The following NFIB variants were observed in gnomAD, a reference collection of about 807,000 sequenced individuals.
NFIB encodes nuclear factor I B, also known as nuclear factor 1 B-type.
NFIB carries 11 observed loss-of-function variants against 61.5 expected under a neutral mutation model. The observed-to-expected ratio is 0.18, with a 90% CI of 0.11 to 0.30. The LOEUF is 0.30. NFIB is among the 10% of genes least tolerant of loss of function. The pLI, the probability that NFIB is intolerant of heterozygous loss-of-function variation, is 1.00. For missense variants in NFIB, 471 were observed against 608.9 expected (o/e 0.77, Z 2.38); for synonymous variants, 260 against 216.5 (o/e 1.20, Z -1.76).
chr9:14,225,692 C>CAT (rs1396364794), intron 2 of NFIB, among the ~76,000 whole-genome samples: 4 of 151,908 alleles, frequency 2.6e-5, no homozygotes, highest in Non-Finnish European at 4.4e-5. Context: ...CCAGCATAGG[C>CAT]ATGGGGCTTA....
intron 2 of NFIB, among the ~76,000 whole-genome samples, chr9:14,292,440 T>C (rs868510942): frequency 6.6e-6 from 1 of 152,184 alleles, no homozygotes; most frequent in Non-Finnish European, 1.5e-5. Context: ...CTTTAATAAA[T>C]AAAATGTATT....
chr9:14,440,984 C>T, the NFIB span, among the ~76,000 whole-genome samples: 1 of 152,140 alleles, frequency 6.6e-6, no homozygotes, highest in African/African-American at 2.4e-5. Flanking sequence ...TTATGACAGC[C>T]ATTCCTGATA....
intron 1 of NFIB, among the ~76,000 whole-genome samples, chr9:14,394,427 G>A (rs1447647304): frequency 6.6e-6 from 1 of 152,198 alleles, no homozygotes; most frequent in Non-Finnish European, 1.5e-5. Context: ...GGCTGGGGAT[G>A]CCTCATAATA....
Position 14,261,115 on chromosome 9 carries a change from G to C in NFIB, c.562+45874C>G, listed in dbSNP as rs189231969. On this transcript the variant is annotated intron_variant, in intron 2 of 10. Transcript: ENST00000380953. ...GCAGATCACCTGATGTCAGGAATTT[G>C]AGACCAGCCTGGCCACCACAGTGAA... Among the ~76,000 whole-genome samples, 7 of 152,292 alleles carry C rather than the reference G, an allele frequency of 4.6e-5. No individual in the cohort carries two copies. The East Asian group carries it at 7.7e-4, about 17-fold the overall frequency.
intron 1 of NFIB, among the ~76,000 whole-genome samples, chr9:14,382,167 A>G (rs761590452): frequency 1.3e-5 from 2 of 152,186 alleles, no homozygotes; most frequent in Non-Finnish European, 2.9e-5. Flanking sequence ...TGAATTGTTG[A>G]GTTAGCTTCC....
intron 1 of NFIB, among the ~76,000 whole-genome samples, chr9:14,387,241 A>T (rs1013944): frequency 0.77 from 117,388 of 152,168 alleles, 45,415 homozygotes; most frequent in African/African-American, 0.8. Flanking sequence ...AAGACCTGTG[A>T]AATCTTGGGT....
At chr9:14,220,433 C>A (rs2051496056) in intron 2 of NFIB, among the ~76,000 whole-genome samples, 1 of 152,168 alleles carries the variant, frequency 6.6e-6, no homozygotes, top group African/African-American at 2.4e-5. Context: ...ACATGGCATT[C>A]TCCAAATATT....
Position 14,087,659 on chromosome 9 carries a change from T to C in NFIB, c.*650A>G, listed in dbSNP as rs1226197889. 4.6e-6 allele frequency: 1 copy of C among 217,008 alleles called. No homozygotes were observed. The highest frequency in any genetic ancestry group is 9.3e-6 in the Non-Finnish European group (1 of 107,598). The allele number at this position is 217,008 out of a possible 1,614,324, so 13.4% of individuals were successfully genotyped here. On this transcript the variant is annotated 3_prime_UTR_variant, in exon 11 of 11. Transcript: ENST00000380953. ...AAAGGCTGGGTTAAGGGCCGAAATTTAATAAATCTGTACTGATAACTAAAG... is the reference window on the plus strand; with the variant it reads ...AAAGGCTGGGTTAAGGGCCGAAATTCAATAAATCTGTACTGATAACTAAAG...
chr9:14,446,740 C>T, the NFIB span, among the ~76,000 whole-genome samples: 640 of 152,090 alleles, frequency 4.2e-3, 3 homozygotes, highest in African/African-American at 0.015. Flanking sequence ...AATAAATGAA[C>T]GTATTATTAT....
At chr9:14,445,031 T>C in the NFIB span, among the ~76,000 whole-genome samples, 1 of 152,168 alleles carries the variant, frequency 6.6e-6, no homozygotes, top group East Asian at 1.9e-4. Context: ...CTTTCTATAC[T>C]CATGATATGT....
the NFIB span, among the ~76,000 whole-genome samples, chr9:14,438,883 G>A: frequency 6.6e-6 from 1 of 152,300 alleles, no homozygotes; most frequent in African/African-American, 2.4e-5. Context: ...GAGGAAGAGG[G>A]ACATGGGGTG....
At chr9:14,384,906 GA>G (rs976434091) in intron 1 of NFIB, among the ~76,000 whole-genome samples, 30 of 150,934 alleles carry the variant, frequency 2.0e-4, no homozygotes, top group African/African-American at 5.8e-4. Context: ...TCTTACTGTA[GA>G]AAAAAAAATG....
chr9:14,362,541 A>G (rs1031093820), intron 1 of NFIB: 2 of 152,330 alleles, frequency 1.3e-5, no homozygotes, highest in African/African-American at 4.8e-5. Context: ...CTGTTTTGGC[A>G]GGATAATTCT....
At chr9:14,383,151 G>C (rs574341203) in intron 1 of NFIB, among the ~76,000 whole-genome samples, 1 of 152,310 alleles carries the variant, frequency 6.6e-6, no homozygotes, top group Non-Finnish European at 1.5e-5. Context: ...GTTTAATAAA[G>C]AAAGCTCGGT....
At chr9:14,431,013 G>A in the NFIB span, among the ~76,000 whole-genome samples, 4 of 152,168 alleles carry the variant, frequency 2.6e-5, no homozygotes, top group Non-Finnish European at 5.9e-5. Flanking sequence ...AAATAATGGG[G>A]CCTTTGAGAT....
chr9:14,421,922 C>CT, the NFIB span, among the ~76,000 whole-genome samples: 5 of 151,550 alleles, frequency 3.3e-5, no homozygotes, highest in African/African-American at 9.7e-5. Flanking sequence ...AGAATTGCTA[C>CT]TTTTTTTTTC....
At chr9:14,231,119 GGAAAAAAAA>G (rs1214469754) in intron 2 of NFIB, among the ~76,000 whole-genome samples, 1 of 35,420 alleles carries the variant, frequency 2.8e-5, no homozygotes, top group East Asian at 3.3e-4. Context: ...TTTTCCATGG[GGAAAAAAAA>G]AAAAAAAATA....
intron 2 of NFIB, among the ~76,000 whole-genome samples, chr9:14,205,214 AGGGAG>A (rs1202061789): frequency 4.4e-5 from 1 of 22,734 alleles, no homozygotes. Context: ...ATTGGAAGGA[AGGGAG>A]GGGAGGGGAG....
intron 2 of NFIB, chr9:14,305,839 C>A: frequency 2.6e-6 from 1 of 384,084 alleles, no homozygotes; most frequent in South Asian, 1.1e-4. Context: ...ACCTGGCTAT[C>A]TGCAGGCCAT....
Sources: gnomAD v4.1 joint callset for allele counts (sites outside exome capture counted in the v4.1 genomes callset) on GRCh38, gnomAD v4.1.1 for gene constraint, MANE v1.5 for transcripts, NCBI Gene and HGNC (gene_info 2026-07-23, HGNC 2026-07-21) for gene names.